Variants in IL13RA1 observed in about 807,000 individuals in gnomAD.
IL13RA1 encodes the protein interleukin 13 receptor subunit alpha 1, also known as interleukin-13 receptor subunit alpha-1.
Under a neutral mutation model 33.8 loss-of-function variants are expected in IL13RA1, and 14 were observed. The ratio of observed to expected loss-of-function variants is 0.41; its 90% CI spans 0.27 to 0.65. IL13RA1 has a LOEUF of 0.65. Ranked by LOEUF, IL13RA1 falls within the 30% of genes least tolerant of loss-of-function variation. IL13RA1 has a pLI of 0.28. For synonymous variants in IL13RA1, 116 were observed against 115.7 expected (o/e 1.00, Z -0.02); for missense variants, 313 against 327.0 (o/e 0.96, Z 0.33).
In IL13RA1 at chrX:118,794,018, C is replaced by T. The variant is rs1324081642; in HGVS notation, c.*2164C>T. 1 of 111,925 alleles carries T rather than the reference C, an allele frequency of 8.9e-6. No individual in the cohort carries two copies. The highest frequency in any genetic ancestry group is 3.3e-5 in the African/African-American group (1 of 30,608). The allele number at this position is 111,925 out of a possible 1,213,427, so 9.2% of individuals were successfully genotyped here. On this transcript the variant is annotated 3_prime_UTR_variant, in exon 11 of 11. Coordinates refer to ENST00000371666, the MANE Select transcript of IL13RA1 (RefSeq NM_001560.3). ...TAATTCTGGGAAGCAAAACCCATGCCTCCCCCTAGCCATTTTTACTGTTAT... is the reference window on the plus strand; with the variant it reads ...TAATTCTGGGAAGCAAAACCCATGCTTCCCCCTAGCCATTTTTACTGTTAT...
At chrX:118,758,837 C>T (rs2017561718) in intron 5 of IL13RA1, 1 of 111,443 alleles carries the variant, frequency 9.0e-6, no homozygotes, top group South Asian at 3.8e-4. Context: ...GAAGGCAGAA[C>T]CCTCATGACC....
At chrX:118,791,650 C>G (rs964016191) in intron 10 of IL13RA1, 112 bp from the exon 11 acceptor site, 1 of 321,702 alleles carries the variant, frequency 3.1e-6, no homozygotes, top group Non-Finnish European at 5.6e-6. Context: ...GGAAATCATA[C>G]CCCTACGGTT....
intron 4 of IL13RA1, among the ~76,000 whole-genome samples, chrX:118,751,422 C>T (rs1043321118): frequency 2.7e-5 from 3 of 111,687 alleles, no homozygotes; most frequent in Non-Finnish European, 3.8e-5. Flanking sequence ...GATACAGTGA[C>T]CTGCATTAAA....
chrX:118,784,353 A>G (rs1352041741), intron 10 of IL13RA1, among the ~76,000 whole-genome samples: 1 of 108,364 alleles, frequency 9.2e-6, no homozygotes, highest in African/African-American at 3.4e-5. Flanking sequence ...CAACCACAAT[A>G]ATAATAGTTC....
At chrX:118,784,090 A>AAATAT (rs1556372973) in intron 10 of IL13RA1, among the ~76,000 whole-genome samples, 1 of 63,959 alleles carries the variant, frequency 1.6e-5, no homozygotes, top group Non-Finnish European at 2.5e-5. Flanking sequence ...AAAAAAAAAA[A>AAATAT]ATATATATAT....
chrX:118,801,542 C>T, the IL13RA1 span, among the ~76,000 whole-genome samples: 1 of 112,232 alleles, frequency 8.9e-6, no homozygotes, highest in Non-Finnish European at 1.9e-5. Flanking sequence ...TTTTTTCTCC[C>T]ATGTTCCCTT....
chrX:118,734,461 G>A (rs1471601842), intron 1 of IL13RA1, among the ~76,000 whole-genome samples: 2 of 111,804 alleles, frequency 1.8e-5, no homozygotes. Flanking sequence ...TTTACTGTGG[G>A]TTTTTCATAT....
intron 1 of IL13RA1, among the ~76,000 whole-genome samples, chrX:118,734,957 CCTT>C (rs1321041691): frequency 1.8e-5 from 2 of 111,010 alleles, no homozygotes; most frequent in Non-Finnish European, 3.8e-5. Flanking sequence ...GATTCAATCT[CCTT>C]ACTACTTATA....
At chrX:118,802,268 T>G in the IL13RA1 span, among the ~76,000 whole-genome samples, 4 of 112,456 alleles carry the variant, frequency 3.6e-5, no homozygotes, top group African/African-American at 9.7e-5. Context: ...TGGCCCTGCC[T>G]GCCCACTTAG....
chrX:118,765,372 A>G (rs760692688), intron 6 of IL13RA1, among the ~76,000 whole-genome samples: 1 of 110,777 alleles, frequency 9.0e-6, no homozygotes, highest in East Asian at 2.8e-4. Context: ...AGCCTCCCAA[A>G]GTGCTGGGAT....
intron 8 of IL13RA1, among the ~76,000 whole-genome samples, chrX:118,771,642 A>G (rs971705917): frequency 8.9e-6 from 1 of 112,233 alleles, no homozygotes; most frequent in Non-Finnish European, 1.9e-5. Flanking sequence ...CCTTAAATAT[A>G]GTATGCTCTA....
intron 10 of IL13RA1, among the ~76,000 whole-genome samples, chrX:118,782,604 CTT>C (rs34711097): frequency 2.0e-5 from 2 of 100,594 alleles, no homozygotes; most frequent in Non-Finnish European, 2.0e-5. Context: ...TTTGTTTTTG[CTT>C]TTTTTTTTTG....
chrX:118,803,105 G>C, the IL13RA1 span, among the ~76,000 whole-genome samples: 1 of 112,060 alleles, frequency 8.9e-6, no homozygotes, highest in Non-Finnish European at 1.9e-5. Context: ...TGTTCCTTGT[G>C]GCCTCTGCCT....
intron 8 of IL13RA1, chrX:118,770,175 C>A (rs1212544621): frequency 1.1e-5 from 3 of 277,128 alleles, no homozygotes; most frequent in Non-Finnish European, 2.1e-5. Flanking sequence ...GTGTCCGCGA[C>A]AACGCGCAGC....
intron 9 of IL13RA1, among the ~76,000 whole-genome samples, chrX:118,774,772 AT>A (rs1364596974): frequency 8.9e-6 from 1 of 112,249 alleles, no homozygotes; most frequent in Non-Finnish European, 1.9e-5. Context: ...CTATCTCATT[AT>A]AGGACTGTTA....
At chrX:118,768,228 G>T (rs1357512037) in intron 8 of IL13RA1, among the ~76,000 whole-genome samples, 5 of 112,176 alleles carry the variant, frequency 4.5e-5, no homozygotes, top group Admixed American at 2.8e-4. Context: ...CAAGTTATGT[G>T]CCAGGCATGG....
At chrX:118,789,903 A>G (rs1419030934) in intron 10 of IL13RA1, among the ~76,000 whole-genome samples, 1 of 111,207 alleles carries the variant, frequency 9.0e-6, no homozygotes, top group Admixed American at 9.6e-5. Flanking sequence ...TCTTAGTGTC[A>G]TTTATTAAAT....
chrX:118,784,123 ATATATG>A (rs1191828246), intron 10 of IL13RA1, among the ~76,000 whole-genome samples: 2 of 22,193 alleles, frequency 9.0e-5, no homozygotes, highest in Non-Finnish European at 1.5e-4. Flanking sequence ...ATATATGTAT[ATATATG>A]TATATATATA....
chrX:118,740,480 A>G (rs1035352291), intron 1 of IL13RA1, among the ~76,000 whole-genome samples: 4 of 112,186 alleles, frequency 3.6e-5, no homozygotes, highest in East Asian at 2.8e-4. Context: ...TTGTTGCTTC[A>G]GTTGCCTCAT....
Sources: allele counts gnomAD v4.1 joint callset (sites outside exome capture counted in the v4.1 genomes callset), GRCh38; gene constraint gnomAD v4.1.1; transcripts MANE v1.5; gene names NCBI Gene and HGNC (gene_info 2026-07-23, HGNC 2026-07-21).